The following ABCC2 variants were observed in gnomAD, a reference collection of about 807,000 sequenced individuals.
ABCC2 encodes the protein ATP-binding cassette sub-family C member 2.
In ABCC2, 157 loss-of-function variants were observed where a neutral mutation model predicts 173.4. That is an observed-to-expected ratio of 0.91 (90% CI 0.80 to 1.03). The LOEUF is 1.03. Among genes scored for constraint, ABCC2 ranks in the 50% least tolerant of loss-of-function variants. The pLI is 0.00. For synonymous variants in ABCC2, 657 were observed against 693.5 expected, an observed-to-expected ratio of 0.95 and a Z score of 0.83; for missense variants, 1,822 against 1,852.3, an observed-to-expected ratio of 0.98 and a Z score of 0.30.
chr10:99,795,771 G>GAAA (rs1414801319), intron 6 of ABCC2, among the ~76,000 whole-genome samples: 86 of 146,308 alleles, frequency 5.9e-4, no homozygotes, highest in African/African-American at 2.1e-3. Flanking sequence ...AAGAAAGAAA[G>GAAA]AAAGAAAGAA....
chr10:99,819,581 G>C (rs973531051), intron 19 of ABCC2, among the ~76,000 whole-genome samples: 1 of 152,140 alleles, frequency 6.6e-6, no homozygotes, highest in East Asian at 1.9e-4. Flanking sequence ...GTGGCACAAC[G>C]GTCCCTCTTT....
intron 23 of ABCC2, 116 bp from the exon 24 acceptor site, chr10:99,834,264 A>T: frequency 9.7e-7 from 1 of 1,030,888 alleles, no homozygotes; most frequent in Non-Finnish European, 1.5e-6. Flanking sequence ...AAATGATTAC[A>T]TGAAGGAGTA....
intron 31 of ABCC2, 102 bp from the exon 32 acceptor site, chr10:99,851,400 C>G (rs913500441): frequency 1.5e-6 from 2 of 1,373,306 alleles, no homozygotes; most frequent in South Asian, 1.2e-5. Flanking sequence ...TGCTTTGTAG[C>G]CTTGTCTGAC....
In ABCC2 at chr10:99,847,204, G is replaced by T; in HGVS notation, c.4313+77G>T. 2.0e-6 allele frequency: 3 copies of T among 1,513,620 alleles called. No individual in the cohort carries two copies. In the Admixed American group the frequency reaches 5.1e-5, roughly 26 times the overall value. The allele number at this position is 1,513,620 out of a possible 1,614,324, so 93.8% of individuals were successfully genotyped here. Reference sequence around the variant, plus strand: ...GCCACTCCTCGTGTTCCTCGTGTTAGGTGATGCCTGGCATAGAATTTTCAT... The same window carrying T: ...GCCACTCCTCGTGTTCCTCGTGTTATGTGATGCCTGGCATAGAATTTTCAT... On this transcript the variant is annotated intron_variant, in intron 30 of 31. Transcript: ENST00000647814.
intron 19 of ABCC2, among the ~76,000 whole-genome samples, chr10:99,826,330 T>G (rs974590392): frequency 2.0e-5 from 3 of 152,002 alleles, no homozygotes; most frequent in African/African-American, 7.3e-5. Context: ...ACCTTTCCTT[T>G]TAATGGCTTA....
rs762291612 is a variant in ABCC2, at chr10:99,836,145, TCC to T, written c.3472_3473del (p.Pro1158AsnfsTer19). The T allele has an allele frequency of 1.9e-6, 3 of 1,614,012 alleles. No homozygotes were observed. The African/African-American group carries it at 4.0e-5, about 22-fold the overall frequency. On this transcript the variant is annotated frameshift_variant, in exon 25 of 32. Transcript: ENST00000647814. LOFTEE classifies it high-confidence loss of function. ...QLRRLDSVTRSPIYSHFSETV... is the reference protein window; with the variant it reads ...QLRRLDSVTRXPIYSHFSETV... ...GAGGCGTCTGGACTCTGTCACCAGG[TCC>T]CCAATCTACTCTCACTTCAGCGAGA...
Position 99,807,987 on chromosome 10 carries a change from G to A in ABCC2, c.1669-96G>A. 8.9e-6 allele frequency: 13 copies of A among 1,455,186 alleles called. 1 individual carries two copies. The highest frequency in any genetic ancestry group is 1.4e-5 in the African/African-American group (1 of 71,740). 90.1% of individuals were successfully genotyped at this position (1,455,186 alleles called of 1,614,324 possible). On this transcript the variant is annotated intron_variant, in intron 12 of 31. Coordinates refer to ENST00000647814, the MANE Select transcript of ABCC2 (RefSeq NM_000392.5). ...ATGGGGAGGCTGGATGATCCTTAAG[G>A]CGCCTTCAACTCTGATATATGGTGT...
chr10:99,814,298 T>C lies in ABCC2; in HGVS notation c.2094+1154T>C, dbSNP rs1351685504. ...ACACGTATGTATACACACACGTATG[T>C]ATACACACATGTATATACACACGTA... On this transcript the variant is annotated intron_variant, in intron 16 of 31. Coordinates refer to ENST00000647814, the MANE Select transcript of ABCC2 (RefSeq NM_000392.5). Among the ~76,000 whole-genome samples the C allele has an allele frequency of 7.9e-5, 6 of 75,672 alleles. 1 individual carries two copies. The East Asian group carries it at 2.3e-3, about 29-fold the overall frequency. The allele number at this position is 75,672 out of a possible 152,430, so 49.6% of individuals were successfully genotyped here. A position where few individuals can be genotyped will look rare whatever the true frequency, so the allele number is the denominator to read the frequency against.
chr10:99,850,158 C>T (rs2039068752), intron 30 of ABCC2, among the ~76,000 whole-genome samples: 1 of 152,232 alleles, frequency 6.6e-6, no homozygotes, highest in Non-Finnish European at 1.5e-5. Context: ...TTGCTCCACC[C>T]TATATTAATG....
chr10:99,828,515 T>A (rs1052504924), intron 19 of ABCC2, among the ~76,000 whole-genome samples: 1 of 152,222 alleles, frequency 6.6e-6, no homozygotes, highest in Non-Finnish European at 1.5e-5. Flanking sequence ...TGTTAGGCAA[T>A]AATCTGTTCA....
chr10:99,818,670 A>G, intron 17 of ABCC2, 120 bp from the exon 18 acceptor site: 1 of 1,003,764 alleles, frequency 1.0e-6, no homozygotes, highest in Non-Finnish European at 1.5e-6. Flanking sequence ...AGGAACTTGT[A>G]AGATTTTTAA....
At chr10:99,799,971 G>A (rs895640470) in intron 8 of ABCC2, among the ~76,000 whole-genome samples, 1 of 152,212 alleles carries the variant, frequency 6.6e-6, no homozygotes, top group Non-Finnish European at 1.5e-5. Flanking sequence ...GGAGATTGAG[G>A]CAGGAAGATT....
In ABCC2 at chr10:99,810,189, C is replaced by T; in HGVS notation, c.1871C>T (p.Thr624Ile). 1 of 1,613,632 alleles carries T rather than the reference C, an allele frequency of 6.2e-7. No homozygotes were observed. Among genetic ancestry groups the T allele is most frequent in the Non-Finnish European group, 8.5e-7 (1 of 1,179,582 alleles). Residue 624 changes from threonine to isoleucine, a missense_variant, in exon 14 of 32, where the codon ACA (threonine) becomes ATA (isoleucine). By Grantham distance (89) the Thr-to-Ile change is moderately conservative (BLOSUM62 -1). Coordinates refer to ENST00000647814, the MANE Select transcript of ABCC2 (RefSeq NM_000392.5). ...TACTTGGGAGGGGATGACTTGGACA[C>T]ATCTGCCATTCGACATGACTGCAAT... The part of the protein sequence containing the change: ...EKYLGGDDLD[T>I]SAIRHDCNFD...
At chr10:99,784,853 T>A (rs1230523658) in intron 2 of ABCC2, 72 bp downstream of exon 2, 16 of 1,570,376 alleles carry the variant, frequency 1.0e-5, no homozygotes, top group Non-Finnish European at 1.2e-5. Context: ...TGGTGGTTAG[T>A]GTTCTCTTCC....
At chr10:99,826,190 A>G (rs1001897612) in intron 19 of ABCC2, among the ~76,000 whole-genome samples, 77 of 152,218 alleles carry the variant, frequency 5.1e-4, no homozygotes, top group Non-Finnish European at 9.0e-4. Flanking sequence ...ATTTTCCTCC[A>G]AATGTTCTAA....
At chr10:99,816,523 G>A (rs187738667) in intron 16 of ABCC2, among the ~76,000 whole-genome samples, 2 of 147,798 alleles carry the variant, frequency 1.4e-5, no homozygotes, top group South Asian at 2.2e-4. Context: ...CAGGTGATCC[G>A]CCCACTTCGG....
chr10:99,804,069 A>T lies in ABCC2; in HGVS notation c.1260A>T (p.Thr420=), dbSNP rs2133017137. ...LARKEYTVGE[T]VNLMSVDAQK... ...GGAAGGAGTACACCGTTGGAGAAAC[A>T]GTGAACCTGATGTCTGTGGATGCCC... Residue 420 remains threonine (T), a synonymous_variant, in exon 10 of 32, where the codon ACA becomes ACT. Coordinates refer to ENST00000647814, the MANE Select transcript of ABCC2 (RefSeq NM_000392.5). The T allele has an allele frequency of 6.2e-7, 1 of 1,614,202 alleles. No individual in the cohort carries two copies. Among genetic ancestry groups the T allele is most frequent in the Non-Finnish European group, 8.5e-7 (1 of 1,180,026 alleles).
chr10:99,811,204 G>T (rs1455825210), intron 14 of ABCC2, among the ~76,000 whole-genome samples: 4 of 151,922 alleles, frequency 2.6e-5, no homozygotes, highest in Non-Finnish European at 5.9e-5. Flanking sequence ...GGTGGTGCAT[G>T]CCTGTAGTCC....
chr10:99,837,136 CCT>C (rs1491505746), intron 25 of ABCC2, among the ~76,000 whole-genome samples: 1 of 111,188 alleles, frequency 9.0e-6, no homozygotes, highest in Non-Finnish European at 1.8e-5. Context: ...TTGAGAAAGT[CCT>C]TTTTTTTTTT....
Sources: gnomAD v4.1 joint callset for allele counts (sites outside exome capture counted in the v4.1 genomes callset) on GRCh38, gnomAD v4.1.1 for gene constraint, MANE v1.5 for transcripts, NCBI Gene and HGNC (gene_info 2026-07-23, HGNC 2026-07-21) for gene names.